PARVG: variants seen among roughly 807,000 people sequenced by gnomAD.
The protein encoded by PARVG is parvin gamma.
Under a neutral mutation model 44.4 loss-of-function variants are expected in PARVG, and 36 were observed. The observed-to-expected ratio is 0.81, with a 90% CI of 0.62 to 1.07. PARVG has a LOEUF of 1.07. Ranked by LOEUF, PARVG falls within the 50% of genes least tolerant of loss-of-function variation. The pLI is 0.00. For synonymous variants in PARVG, 170 were observed against 174.1 expected (o/e 0.98, Z 0.19); for missense variants, 407 against 407.4 (o/e 1.00, Z 0.01).
At chr22:44,200,692 G>A (rs975187920) in intron 12 of PARVG, among the ~76,000 whole-genome samples, 9 of 152,174 alleles carry the variant, frequency 5.9e-5, no homozygotes, top group Non-Finnish European at 1.3e-4. Flanking sequence ...AGGGCCACAT[G>A]CCCCGTCCCA....
At chr22:44,186,669 C>T (rs181612690) in intron 4 of PARVG, 8 of 471,034 alleles carry the variant, frequency 1.7e-5, no homozygotes, top group Admixed American at 7.0e-5. Context: ...CGTCTCAGCT[C>T]GGTCTCCTCC....
intron 1 of PARVG, chr22:44,173,314 C>T (rs867846550): frequency 2.1e-5 from 18 of 854,898 alleles, no homozygotes; most frequent in Non-Finnish European, 2.3e-5. Flanking sequence ...CATGATGTGA[C>T]GTCACTGGGC....
At chr22:44,193,763 T>G in intron 8 of PARVG, 38 bp from the exon 9 acceptor site, 1 of 1,608,656 alleles carries the variant, frequency 6.2e-7, no homozygotes. Context: ...GGTGTTTTTT[T>G]TTTAACCATT....
intron 2 of PARVG, 81 bp from the exon 3 acceptor site, chr22:44,183,237 T>C: frequency 1.5e-6 from 2 of 1,325,830 alleles, no homozygotes; most frequent in East Asian, 2.6e-5. Context: ...CTTCTGTGCC[T>C]CCAGGTCTAG....
intron 3 of PARVG, chr22:44,184,803 A>C (rs1196756708): frequency 1.3e-5 from 2 of 152,204 alleles, no homozygotes; most frequent in Admixed American, 6.5e-5. Flanking sequence ...GAAGATTAGA[A>C]AGTGTCCTGA....
intron 1 of PARVG, among the ~76,000 whole-genome samples, chr22:44,173,804 G>C (rs144791602): frequency 2.6e-5 from 4 of 152,288 alleles, no homozygotes; most frequent in African/African-American, 9.6e-5. Flanking sequence ...GCAGGTAGCT[G>C]GTGGGGCCCG....
At chr22:44,177,137 C>A (rs555930806), upstream of PARVG, among the ~76,000 whole-genome samples, 1 of 152,226 alleles carries the variant, frequency 6.6e-6, no homozygotes, top group Non-Finnish European at 1.5e-5. Context: ...TTACTTTATC[C>A]TCTTCACTCT....
chr22:44,181,662 T>C (rs2054380183), intron 1 of PARVG, 80 bp from the exon 2 acceptor site: 1 of 970,392 alleles, frequency 1.0e-6, no homozygotes, highest in Non-Finnish European at 1.2e-6. Context: ...CGGCGGGCGC[T>C]GGGGCTCCGG....
rs201837894 is a variant in PARVG at position 44,206,313 on chromosome 22, G to A, written c.887-4G>A. 18 of 1,611,058 alleles carry A rather than the reference G, an allele frequency of 1.1e-5. No homozygotes were observed. Among genetic ancestry groups the A allele is most frequent in the East Asian group, 1.1e-4 (5 of 44,870 alleles). ...TGGCTGCCCTGCCCTCCTTTGGCCC[G>A]CAGATATCGTGAACAAGGATGCCAA... On this transcript the variant is annotated splice_polypyrimidine_tract_variant and splice_region_variant and intron_variant, in intron 13 of 13. Transcript: ENST00000444313.
At chr22:44,199,800 C>A (rs564590856) in intron 12 of PARVG, among the ~76,000 whole-genome samples, 1 of 152,238 alleles carries the variant, frequency 6.6e-6, no homozygotes, top group Non-Finnish European at 1.5e-5. Context: ...CAGAATGTGG[C>A]AAGAACAGGA....
chr22:44,201,303 C>A (rs1452315153), intron 12 of PARVG, among the ~76,000 whole-genome samples: 2 of 152,148 alleles, frequency 1.3e-5, no homozygotes, highest in African/African-American at 4.8e-5. Context: ...CCTGTGAGAG[C>A]GGGGCAGGGC....
chr22:44,194,825 TCATC>T (rs1232053535), intron 9 of PARVG, among the ~76,000 whole-genome samples: 1 of 144,638 alleles, frequency 6.9e-6, no homozygotes, highest in African/African-American at 2.7e-5. Context: ...ATCCATATAT[TCATC>T]CATCCATCCA....
At chr22:44,178,390 C>T (rs998046168), upstream of PARVG, among the ~76,000 whole-genome samples, 4 of 152,158 alleles carry the variant, frequency 2.6e-5, no homozygotes, top group Non-Finnish European at 2.9e-5. Context: ...CAGACAGAGC[C>T]AGGTCTCACT....
upstream of PARVG, among the ~76,000 whole-genome samples, chr22:44,177,726 T>C (rs1439975855): frequency 6.6e-6 from 1 of 152,168 alleles, no homozygotes; most frequent in East Asian, 1.9e-4. Flanking sequence ...TGATGTTAAT[T>C]TTGATTACTT....
In PARVG at chr22:44,206,523, A is replaced by C; in HGVS notation, c.*97A>C. 1 of 1,062,998 alleles carries C rather than the reference A, an allele frequency of 9.4e-7. No homozygotes were observed. The highest frequency in any genetic ancestry group is 1.4e-6 in the Non-Finnish European group (1 of 694,180). The allele number at this position is 1,062,998 out of a possible 1,614,324, so 65.8% of individuals were successfully genotyped here. A position where few individuals can be genotyped will look rare whatever the true frequency, so the allele number is the denominator to read the frequency against. ...CCCACAGTCCCGCTGTTTCCTGTGCATTCGTGACCCGCTTCCCTCCCACCC... is the reference window on the plus strand; with the variant it reads ...CCCACAGTCCCGCTGTTTCCTGTGCCTTCGTGACCCGCTTCCCTCCCACCC... On this transcript the variant is annotated 3_prime_UTR_variant, in exon 14 of 14. Coordinates refer to ENST00000444313, the MANE Select transcript of PARVG (RefSeq NM_022141.7).
intron 13 of PARVG, 126 bp from the exon 14 acceptor site, chr22:44,206,191 G>C: frequency 1.4e-6 from 1 of 723,068 alleles, no homozygotes; most frequent in Non-Finnish European, 2.3e-6. Context: ...CAGCTGTCCT[G>C]GCTTCCAGGG....
chr22:44,192,134 G>A (rs370325492), intron 8 of PARVG, 30 bp downstream of exon 8: 1 of 1,611,148 alleles, frequency 6.2e-7, no homozygotes, highest in Non-Finnish European at 8.5e-7. Flanking sequence ...CCATGGGTGG[G>A]GCTGGGGCTC....
chr22:44,199,437 AC>A (rs1396022958), intron 12 of PARVG, among the ~76,000 whole-genome samples: 2 of 151,690 alleles, frequency 1.3e-5, no homozygotes, highest in Non-Finnish European at 2.9e-5. Context: ...CTGCTCATCC[AC>A]CCATCCCCTA....
chr22:44,177,478 G>A (rs1296369187), upstream of PARVG, among the ~76,000 whole-genome samples: 3 of 152,158 alleles, frequency 2.0e-5, no homozygotes, highest in Admixed American at 6.6e-5. Context: ...TGAATGAGTT[G>A]TCCCATCTCT....
Sources: gnomAD v4.1 joint callset for allele counts (sites outside exome capture counted in the v4.1 genomes callset) on GRCh38, gnomAD v4.1.1 for gene constraint, MANE v1.5 for transcripts, NCBI Gene and HGNC (gene_info 2026-07-23, HGNC 2026-07-21) for gene names.